Variants in STRN observed in about 807,000 individuals in gnomAD.
STRN encodes the protein striatin.
In STRN, 53 loss-of-function variants were observed where a neutral mutation model predicts 96.3. That is an observed-to-expected ratio of 0.55 (90% confidence interval 0.44 to 0.69). STRN has a LOEUF of 0.69. Among genes scored for constraint, STRN ranks in the 30% least tolerant of loss-of-function variants. The probability of loss-of-function intolerance (pLI) is 0.00; values close to 1 mark genes in which losing one functional copy is unlikely to be tolerated. For missense variants in STRN, 987 were observed against 963.9 expected (o/e 1.02, Z -0.32); for synonymous variants, 428 against 355.9 (o/e 1.20, Z -2.28).
chr2:36,939,949 T>C (rs1670804717), intron 1 of STRN, among the ~76,000 whole-genome samples: 2 of 152,348 alleles, frequency 1.3e-5, no homozygotes, highest in Middle Eastern at 6.8e-3. Flanking sequence ...TATACTGTAG[T>C]AAAATCTATT....
Position 36,839,638 on chromosome 2 carries a change from C to T in STRN, c.*9818G>A, listed in dbSNP as rs1033239579. ...AGCCAATTTAGAAGAGTTGACTTGT[C>T]TAAAATCTAACAGACAATAAATGTC... On this transcript the variant is annotated 3_prime_UTR_variant, in exon 18 of 18. Coordinates refer to ENST00000263918, the MANE Select transcript of STRN (RefSeq NM_003162.4). Among the ~76,000 whole-genome samples the T allele has an allele frequency of 6.6e-6, 1 of 152,178 alleles. No homozygotes were observed. Among genetic ancestry groups the T allele is most frequent in the African/African-American group, 2.4e-5 (1 of 41,452 alleles).
chr2:36,884,106 TA>T, intron 8 of STRN, 31 bp from the exon 9 acceptor site: 1 of 1,313,674 alleles, frequency 7.6e-7, no homozygotes. Context: ...TGGGAGGAGA[TA>T]AAAAAGAGAA....
At chr2:36,963,094 G>A (rs1304084354) in intron 1 of STRN, among the ~76,000 whole-genome samples, 2 of 152,128 alleles carry the variant, frequency 1.3e-5, no homozygotes, top group Non-Finnish European at 2.9e-5. Flanking sequence ...AAAATAAAAA[G>A]AGAATTTATC....
At position 36,845,191 on chromosome 2, in the gene STRN, C is replaced by T. The variant is rs1385976656; in HGVS notation, c.*4265G>A. On this transcript the variant is annotated 3_prime_UTR_variant, in exon 18 of 18. Coordinates refer to ENST00000263918, the MANE Select transcript of STRN (RefSeq NM_003162.4). ...TGGTTGAAAACATCACACAGACAGACACCAACCAAAGATTCATTATCTCCA... is the reference window on the plus strand; with the variant it reads ...TGGTTGAAAACATCACACAGACAGATACCAACCAAAGATTCATTATCTCCA... 6.6e-6 allele frequency: 1 copy of T among 152,124 alleles called. No homozygotes were observed. Among genetic ancestry groups the T allele is most frequent in the Admixed American group, 6.6e-5 (1 of 15,252 alleles). 9.4% of individuals were successfully genotyped at this position (152,124 alleles called of 1,614,324 possible). A position where few individuals can be genotyped will look rare whatever the true frequency, so the allele number is the denominator to read the frequency against.
At chr2:36,860,970 A>C (rs1353326182) in intron 13 of STRN, among the ~76,000 whole-genome samples, 162 bp downstream of exon 13, 1 of 152,254 alleles carries the variant, frequency 6.6e-6, no homozygotes, top group Admixed American at 6.5e-5. Context: ...TTGTATATCA[A>C]GTTAATTCCT....
chr2:36,896,678 T>A (rs1669547659), intron 6 of STRN, among the ~76,000 whole-genome samples: 2 of 152,176 alleles, frequency 1.3e-5, no homozygotes. Flanking sequence ...TTCTTTATAC[T>A]GTGGCTAAAA....
chr2:36,925,057 A>G lies in STRN; in HGVS notation c.338+48T>C, dbSNP rs768831079. 44 of 1,566,474 alleles carry G rather than the reference A, an allele frequency of 2.8e-5. No individual in the cohort carries two copies. The East Asian group carries it at 9.7e-4, about 34-fold the overall frequency. Reference sequence around the variant, plus strand: ...GGCAACAAGAACGAAACTCCGTCTCAAAACAAATAAACAAAAAAGAACACC... The same window carrying G: ...GGCAACAAGAACGAAACTCCGTCTCGAAACAAATAAACAAAAAAGAACACC... On this transcript the variant is annotated intron_variant, in intron 2 of 17. Coordinates refer to ENST00000263918, the MANE Select transcript of STRN (RefSeq NM_003162.4).
At chr2:36,956,656 G>C (rs1047155467) in intron 1 of STRN, among the ~76,000 whole-genome samples, 1 of 152,214 alleles carries the variant, frequency 6.6e-6, no homozygotes, top group Non-Finnish European at 1.5e-5. Flanking sequence ...GCATAGCAAA[G>C]GGTTTTGTTT....
In STRN at chr2:36,843,202, G is replaced by C. The variant is rs1166622455; in HGVS notation, c.*6254C>G. 6.6e-6 allele frequency among the ~76,000 whole-genome samples: 1 copy of C among 152,138 alleles called. No homozygotes were observed. The highest frequency in any genetic ancestry group is 1.5e-5 in the Non-Finnish European group (1 of 68,026). Reference sequence around the variant, plus strand: ...ATACCAAAGGATATAATACTCATTAGTATACCAGCATACAGAACACCAAAC... The same window carrying C: ...ATACCAAAGGATATAATACTCATTACTATACCAGCATACAGAACACCAAAC... On this transcript the variant is annotated 3_prime_UTR_variant, in exon 18 of 18. Coordinates refer to ENST00000263918, the MANE Select transcript of STRN (RefSeq NM_003162.4).
In STRN at chr2:36,849,412, T is replaced by C. The variant is rs370410874; in HGVS notation, c.*44A>G. 54 of 1,603,778 alleles carry C rather than the reference T, an allele frequency of 3.4e-5. No homozygotes were observed. The Middle Eastern group carries it at 5.0e-4, about 15-fold the overall frequency. On this transcript the variant is annotated 3_prime_UTR_variant, in exon 18 of 18. Transcript: ENST00000263918. ...CGTCTTCTGTATCTCTTGTGTGCAGTTGATTACTTATAAACAGCTAGAAGG... is the reference window on the plus strand; with the variant it reads ...CGTCTTCTGTATCTCTTGTGTGCAGCTGATTACTTATAAACAGCTAGAAGG...
At chr2:36,949,033 T>C (rs1042829656) in intron 1 of STRN, among the ~76,000 whole-genome samples, 1 of 152,230 alleles carries the variant, frequency 6.6e-6, no homozygotes, top group African/African-American at 2.4e-5. Flanking sequence ...ATGATGGTGG[T>C]CCCATAACTA....
Position 36,849,532 on chromosome 2 carries a change from T to A in STRN, c.2267A>T (p.His756Leu). The A allele has an allele frequency of 6.2e-7, 1 of 1,614,196 alleles. No individual in the cohort carries two copies. Among genetic ancestry groups the A allele is most frequent in the Non-Finnish European group, 8.5e-7 (1 of 1,180,014 alleles). The stretch of plus-strand genomic sequence containing the variant: ...TTTGGATGGGTGGAAAGCTACATCA[T>A]GAATCGATTCTTCAAACTTTTTTCG... The part of the protein sequence containing the change: ...AHRKKFEESI[H>L]DVAFHPSKCY... The change falls in exon 18 of 18, where the codon CAT becomes CTT. Residue 756 changes from histidine (H) to leucine (L), a missense_variant. Coordinates refer to ENST00000263918, the MANE Select transcript of STRN (RefSeq NM_003162.4).
intron 10 of STRN, among the ~76,000 whole-genome samples, chr2:36,875,998 G>T (rs1300682532): frequency 1.3e-5 from 2 of 152,158 alleles, no homozygotes; most frequent in African/African-American, 2.4e-5. Context: ...CAGGCATGGT[G>T]GTTCACACCT....
chr2:36,914,972 C>T (rs1031224195), intron 3 of STRN, among the ~76,000 whole-genome samples: 26 of 151,598 alleles, frequency 1.7e-4, no homozygotes, highest in African/African-American at 1.2e-4. Context: ...CGAGGGGGGG[C>T]GGATCCCGAG....
intron 10 of STRN, among the ~76,000 whole-genome samples, chr2:36,877,023 C>A (rs1273458630): frequency 1.3e-5 from 2 of 152,146 alleles, no homozygotes; most frequent in African/African-American, 4.8e-5. Context: ...GCTGGGATTA[C>A]AGGGATGAGC....
intron 1 of STRN, among the ~76,000 whole-genome samples, chr2:36,930,110 C>T (rs535061643): frequency 1.3e-5 from 2 of 152,154 alleles, no homozygotes; most frequent in African/African-American, 4.8e-5. Context: ...CACATAATCA[C>T]TGCCTGTAGC....
chr2:36,881,567 C>T (rs928533250), intron 9 of STRN, among the ~76,000 whole-genome samples: 1 of 152,184 alleles, frequency 6.6e-6, no homozygotes, highest in African/African-American at 2.4e-5. Context: ...CAATCTATCT[C>T]TTAAATGTTT....
intron 10 of STRN, among the ~76,000 whole-genome samples, chr2:36,874,148 C>T (rs1668839368): frequency 6.6e-6 from 1 of 151,442 alleles, no homozygotes; most frequent in South Asian, 2.1e-4. Flanking sequence ...CCTGCAGTCC[C>T]AGCTACATGG....
chr2:36,913,751 TACTA>T (rs904714769), intron 3 of STRN, among the ~76,000 whole-genome samples: 12 of 152,190 alleles, frequency 7.9e-5, no homozygotes, highest in South Asian at 2.1e-4. Flanking sequence ...TGATACTAGG[TACTA>T]ACTATTACAT....
Sources: allele counts gnomAD v4.1 joint callset (sites outside exome capture counted in the v4.1 genomes callset), GRCh38; gene constraint gnomAD v4.1.1; transcripts MANE v1.5; gene names NCBI Gene and HGNC (gene_info 2026-07-23, HGNC 2026-07-21).